The following SYT7 variants were observed in gnomAD, a reference collection of about 807,000 sequenced individuals.
SYT7 encodes the protein synaptotagmin 7, also known as synaptotagmin-7.
SYT7 carries 29 observed loss-of-function variants against 75.1 expected under a neutral mutation model. That is an observed-to-expected ratio of 0.39 (90% CI 0.29 to 0.53). The LOEUF is 0.53. Among genes scored for constraint, SYT7 ranks in the 20% least tolerant of loss-of-function variants. The pLI is 0.77. For synonymous variants in SYT7, 376 were observed against 401.7 expected, an observed-to-expected ratio of 0.94 and a Z score of 0.76; for missense variants, 693 against 953.2, an observed-to-expected ratio of 0.73 and a Z score of 3.59.
intron 1 of SYT7, among the ~76,000 whole-genome samples, chr11:61,569,480 A>G (rs1227279354): frequency 6.6e-6 from 1 of 152,122 alleles, no homozygotes; most frequent in Non-Finnish European, 1.5e-5. Context: ...CATGCAGAGT[A>G]AGTGAGAGAG....
Position 61,551,284 on chromosome 11 carries a change from A to G in SYT7, c.215+100T>C. The G allele has an allele frequency of 1.8e-6, 2 of 1,130,088 alleles. No homozygotes were observed. Among genetic ancestry groups the G allele is most frequent in the Non-Finnish European group, 2.6e-6 (2 of 760,774 alleles). The allele number at this position is 1,130,088 out of a possible 1,614,324, so 70.0% of individuals were successfully genotyped here. On this transcript the variant is annotated intron_variant, in intron 3 of 12. Transcript: ENST00000539008. The surrounding 1 kb of genome is among the most constrained non-coding windows in gnomAD (Gnocchi z 5.3). The stretch of plus-strand genomic sequence containing the variant: ...ATGGCATCGGGGTGTGGGGGAAGTG[A>G]AAGTGTGTGGTCAGGTCTGTGGGGC...
At position 61,580,883 on chromosome 11, in the gene SYT7, G is replaced by T; in HGVS notation, c.-63C>A. 8.8e-7 allele frequency: 1 copy of T among 1,135,690 alleles called. No homozygotes were observed. The allele number at this position is 1,135,690 out of a possible 1,614,324, so 70.4% of individuals were successfully genotyped here. A position where few individuals can be genotyped will look rare whatever the true frequency, so the allele number is the denominator to read the frequency against. On this transcript the variant is annotated 5_prime_UTR_variant, in exon 1 of 13. Transcript: ENST00000539008. The surrounding 1 kb of genome is among the most constrained non-coding windows in gnomAD (Gnocchi z 6.1). ...GCCGCCCGCGGCCGCGCGCTGCTCC[G>T]CCGCCGCCGCTGGGCATGGGGCCGG...
In SYT7 at chr11:61,580,911, G is replaced by T; in HGVS notation, c.-91C>A. 9.3e-7 allele frequency: 1 copy of T among 1,075,382 alleles called. No homozygotes were observed. Among genetic ancestry groups the T allele is most frequent in the South Asian group, 4.4e-5 (1 of 22,836 alleles). The allele number at this position is 1,075,382 out of a possible 1,614,324, so 66.6% of individuals were successfully genotyped here. A position where few individuals can be genotyped will look rare whatever the true frequency, so the allele number is the denominator to read the frequency against. On this transcript the variant is annotated 5_prime_UTR_variant, in exon 1 of 13. Transcript: ENST00000539008. The surrounding 1 kb of genome is among the most constrained non-coding windows in gnomAD (Gnocchi z 6.1). ...GCCGCCGCTGGGCATGGGGCCGGGCGACCCCCGGGGGCGGGTCCGAGGGCG... is the reference window on the plus strand; with the variant it reads ...GCCGCCGCTGGGCATGGGGCCGGGCTACCCCCGGGGGCGGGTCCGAGGGCG...
chr11:61,518,941 A>C (rs529794833), intron 12 of SYT7, among the ~76,000 whole-genome samples: 6 of 152,134 alleles, frequency 3.9e-5, no homozygotes, highest in African/African-American at 1.2e-4. Flanking sequence ...CCACACCCCC[A>C]AGCCTGGGCA....
intron 8 of SYT7, among the ~76,000 whole-genome samples, chr11:61,530,258 C>T (rs546427348): frequency 5.3e-4 from 80 of 152,280 alleles, no homozygotes; most frequent in Middle Eastern, 6.8e-3. Flanking sequence ...GAGGCTTTAC[C>T]CCGGTCCTGC....
chr11:61,554,954 T>A (rs1323666905), intron 2 of SYT7, among the ~76,000 whole-genome samples: 1 of 152,196 alleles, frequency 6.6e-6, no homozygotes, highest in African/African-American at 2.4e-5. Context: ...AAGTCCTCAG[T>A]TTGCCTTTCT....
chr11:61,574,229 C>G (rs2064004280), intron 1 of SYT7, among the ~76,000 whole-genome samples: 1 of 152,236 alleles, frequency 6.6e-6, no homozygotes, highest in Non-Finnish European at 1.5e-5. Context: ...TCTGCCTTAT[C>G]TCACCTCATC....
rs2063441509 is a variant in SYT7 at position 61,554,567 on chromosome 11, C to T, written c.135+1537G>A. On this transcript the variant is annotated intron_variant, in intron 2 of 12. Transcript: ENST00000539008. ...CGCCATCAGCGCCTGCTCATGCAGC[C>T]TTCTTCCCTAGCCTTCAAATCCAGA... Among the ~76,000 whole-genome samples, 3 of 152,274 alleles carry T rather than the reference C, an allele frequency of 2.0e-5. No individual in the cohort carries two copies. The South Asian group carries it at 6.2e-4, about 32-fold the overall frequency.
In SYT7 at chr11:61,538,236, G is replaced by C; in HGVS notation, c.972C>G (p.Val324=). The part of the protein sequence containing the change: ...LEGRMVVLSL[V]LGLSEQDDFA... ...AGTCATCCTGTTCCGAAAGCCCTAA[G>C]ACCAAGGATAGCACCACCATCCGGC... The change falls in exon 7 of 13, where the codon GTC becomes GTG. Residue 324 remains valine, a synonymous_variant. Coordinates refer to ENST00000539008, the MANE Select transcript of SYT7 (RefSeq NM_001365809.2). 6.5e-7 allele frequency: 1 copy of C among 1,535,968 alleles called. No individual in the cohort carries two copies. The highest frequency in any genetic ancestry group is 8.7e-7 in the Non-Finnish European group (1 of 1,146,846).
chr11:61,542,554 C>A lies in SYT7; in HGVS notation c.598G>T (p.Ala200Ser). The stretch of plus-strand genomic sequence containing the variant: ...CTGGGGATAGACTCAAGGGTAGTGG[C>A]CGTGGACAGGGTGGAGTCCTCGAAA... ...SNFEDSTLST[A>S]TTLESIPSST... The change falls in exon 6 of 13, where the codon GCC becomes TCC. Residue 200 changes from alanine (A) to serine (S), a missense_variant. Ala to Ser is a moderately conservative substitution (Grantham distance 99). Around this residue, in one of 2 missense-constraint regions of SYT7, gnomAD observed 487 missense variants for 593.2 expected, o/e 0.82. Coordinates refer to ENST00000539008, the MANE Select transcript of SYT7 (RefSeq NM_001365809.2). This position sits in a 1 kb window ranked among gnomAD's most constrained non-coding sequence, Gnocchi z 7.8. 1 of 1,518,010 alleles carries A rather than the reference C, an allele frequency of 6.6e-7. No individual in the cohort carries two copies. Among genetic ancestry groups the A allele is most frequent in the Non-Finnish European group, 8.8e-7 (1 of 1,136,424 alleles). 94.0% of individuals were successfully genotyped at this position (1,518,010 alleles called of 1,614,324 possible). A position where few individuals can be genotyped will look rare whatever the true frequency, so the allele number is the denominator to read the frequency against.
rs759722643 is a variant in SYT7 at position 61,523,898 on chromosome 11, G to C, written c.1685C>G (p.Ser562Cys). The stretch of plus-strand genomic sequence containing the variant: ...GATGTTCACGATGATGGAGTTGGCA[G>C]AGGGGTTGTAGCAGAGAGACAAGAG... ...ELLLSLCYNPSANSIIVNIIK... is the reference protein window; with the variant it reads ...ELLLSLCYNPCANSIIVNIIK... The change falls in exon 11 of 13, where the codon TCT (serine) becomes TGT (cysteine). Residue 562 changes from serine (S) to cysteine (C), a missense_variant. Physicochemically the swap from Ser to Cys is moderately radical, Grantham distance 112. Around this residue, in one of 2 missense-constraint regions of SYT7, gnomAD observed 206 missense variants for 360.0 expected, o/e 0.57. Transcript: ENST00000539008. This position sits in a 1 kb window ranked among gnomAD's most constrained non-coding sequence, Gnocchi z 5.0. 3 of 1,614,096 alleles carry C rather than the reference G, an allele frequency of 1.9e-6. No homozygotes were observed. Among genetic ancestry groups the C allele is most frequent in the Non-Finnish European group, 1.7e-6 (2 of 1,179,984 alleles).
In SYT7 at chr11:61,580,207, T is replaced by A. The variant is rs2135474375; in HGVS notation, c.31+583A>T. 6.6e-6 allele frequency among the ~76,000 whole-genome samples: 1 copy of A among 151,638 alleles called. No homozygotes were observed. The highest frequency in any genetic ancestry group is 1.9e-4 in the East Asian group (1 of 5,132). ...CATTCTCATGAGCCCCTGCTCTCTTTCCCTTCAGGCACCCCCGTCTCACCC... is the reference window on the plus strand; with the variant it reads ...CATTCTCATGAGCCCCTGCTCTCTTACCCTTCAGGCACCCCCGTCTCACCC... On this transcript the variant is annotated intron_variant, in intron 1 of 12. Coordinates refer to ENST00000539008, the MANE Select transcript of SYT7 (RefSeq NM_001365809.2). The surrounding 1 kb of genome is among the most constrained non-coding windows in gnomAD (Gnocchi z 6.1).
chr11:61,550,321 G>A (rs914644969), intron 3 of SYT7, among the ~76,000 whole-genome samples: 2 of 152,052 alleles, frequency 1.3e-5, no homozygotes, highest in South Asian at 2.1e-4. Flanking sequence ...CCTCAGGAGC[G>A]GGGTGGAGGG....
rs764469421 is a variant in SYT7, at chr11:61,528,205, C to T, written c.1201-20G>A. ...GGAGAGCTGGGGGTGGGGGAGAGGC[C>T]GGCAGGGTTTGGGGAGGATTCTGCT... On this transcript the variant is annotated intron_variant, in intron 8 of 12. Transcript: ENST00000539008. 2.9e-5 allele frequency: 46 copies of T among 1,606,326 alleles called. No homozygotes were observed. The highest frequency in any genetic ancestry group is 2.2e-4 in the South Asian group (20 of 90,934).
At position 61,528,437 on chromosome 11, in the gene SYT7, A is replaced by G. The variant is rs567555333; in HGVS notation, c.1201-252T>C. Among the ~76,000 whole-genome samples, 7 of 152,156 alleles carry G rather than the reference A, an allele frequency of 4.6e-5. No homozygotes were observed. The East Asian group carries it at 1.4e-3, about 30-fold the overall frequency. ...GTGGTATGCACGACACTCACTTCCCAGGCTCTCCTCGCAGCCCTGGGTCTG... is the reference window on the plus strand; with the variant it reads ...GTGGTATGCACGACACTCACTTCCCGGGCTCTCCTCGCAGCCCTGGGTCTG... On this transcript the variant is annotated intron_variant, in intron 8 of 12. Transcript: ENST00000539008.
At chr11:61,531,526 G>A (rs2062708288) in intron 8 of SYT7, among the ~76,000 whole-genome samples, 1 of 152,098 alleles carries the variant, frequency 6.6e-6, no homozygotes, top group African/African-American at 2.4e-5. Context: ...CAGGGAGAAG[G>A]GGAGAGGTGG....
Position 61,561,838 on chromosome 11 carries a change from G to A in SYT7, c.32-5631C>T, listed in dbSNP as rs1444273120. On this transcript the variant is annotated intron_variant, in intron 1 of 12. Coordinates refer to ENST00000539008, the MANE Select transcript of SYT7 (RefSeq NM_001365809.2). ...CTCCAGTATACTCTATGACGAGCTC[G>A]GCGTCTGACACACGGGGGGTGCTCA... Among the ~76,000 whole-genome samples, 9 of 152,058 alleles carry A rather than the reference G, an allele frequency of 5.9e-5. No homozygotes were observed. The East Asian group carries it at 1.2e-3, about 20-fold the overall frequency.
Position 61,528,187 on chromosome 11 carries a change from TG to T in SYT7, c.1201-3del. ...ATCCTCCTCGGAGCCTGGGGAGAGC[TG>T]GGGGTGGGGGAGAGGCCGGCAGGGT... On this transcript the variant is annotated splice_region_variant and splice_polypyrimidine_tract_variant and intron_variant, in intron 8 of 12. Coordinates refer to ENST00000539008, the MANE Select transcript of SYT7 (RefSeq NM_001365809.2). 2 of 1,609,784 alleles carry T rather than the reference TG, an allele frequency of 1.2e-6. No individual in the cohort carries two copies. Among genetic ancestry groups the T allele is most frequent in the Non-Finnish European group, 1.7e-6 (2 of 1,179,494 alleles).
chr11:61,565,077 G>A (rs747797418), intron 1 of SYT7, among the ~76,000 whole-genome samples: 9 of 152,118 alleles, frequency 5.9e-5, no homozygotes, highest in Non-Finnish European at 8.8e-5. Flanking sequence ...CTGCCAGCAC[G>A]TCCCCATCCT....
Sources: allele counts gnomAD v4.1 joint callset (sites outside exome capture counted in the v4.1 genomes callset), GRCh38; gene constraint gnomAD v4.1.1; regional missense constraint gnomAD v4.1.1; non-coding constraint Gnocchi (gnomAD v3.1); transcripts MANE v1.5; gene names NCBI Gene and HGNC (gene_info 2026-07-23, HGNC 2026-07-21).